DROSHA: variants seen among roughly 807,000 people sequenced by gnomAD.
DROSHA encodes the protein ribonuclease 3.
DROSHA carries 56 observed loss-of-function variants against 181.9 expected under a neutral mutation model. The ratio of observed to expected loss-of-function variants is 0.31; its 90% CI spans 0.25 to 0.38. DROSHA has a LOEUF of 0.38. Among genes scored for constraint, DROSHA ranks in the 10% least tolerant of loss-of-function variants. The pLI, the probability that DROSHA is intolerant of heterozygous loss-of-function variation, is 1.00. For synonymous variants in DROSHA, 524 were observed against 591.2 expected (o/e 0.89, Z 1.65); for missense variants, 1,218 against 1,743.5 (o/e 0.70, Z 5.37).
At position 31,450,081 on chromosome 5, in the gene DROSHA, C is replaced by T. The variant is rs368233999; in HGVS notation, c.2683-662G>A. 2.0e-5 allele frequency among the ~76,000 whole-genome samples: 3 copies of T among 152,242 alleles called. No individual in the cohort carries two copies. The East Asian group carries it at 5.8e-4, about 29-fold the overall frequency. On this transcript the variant is annotated intron_variant, in intron 21 of 35. Coordinates refer to ENST00000344624, the MANE Select transcript of DROSHA (RefSeq NM_001382508.1). ...TGAAAGAATGTTCAACATCACTAAT[C>T]ATTAGGGAAATGCAAATTAAAACCA... is the stretch of plus-strand genomic sequence containing the variant.
chr5:31,415,931 T>G (rs1038470916), intron 30 of DROSHA, among the ~76,000 whole-genome samples: 2 of 152,144 alleles, frequency 1.3e-5, no homozygotes, highest in Non-Finnish European at 2.9e-5. Flanking sequence ...AGAACTTCCC[T>G]CTATAGCCCA....
At chr5:31,439,531 G>A (rs1230657046) in intron 23 of DROSHA, among the ~76,000 whole-genome samples, 1 of 152,100 alleles carries the variant, frequency 6.6e-6, no homozygotes, top group African/African-American at 2.4e-5. Context: ...ACATAGGTAA[G>A]CTGCATATCA....
intron 17 of DROSHA, 83 bp downstream of exon 17, chr5:31,471,980 T>A (rs6885959): frequency 0.6 from 803,677 of 1,333,632 alleles, 255,262 homozygotes; most frequent in Non-Finnish European, 0.65. Context: ...ACTTTTAAAA[T>A]GTGCTGTTAC....
chr5:31,523,773 G>A (rs972811344), intron 5 of DROSHA, among the ~76,000 whole-genome samples: 5 of 151,996 alleles, frequency 3.3e-5, no homozygotes, highest in Non-Finnish European at 5.9e-5. Flanking sequence ...TCAGGAGTTC[G>A]AGACCAGCCT....
intron 24 of DROSHA, 97 bp downstream of exon 24, chr5:31,437,142 C>T (rs1431511388): frequency 2.3e-6 from 3 of 1,280,162 alleles, no homozygotes; most frequent in African/African-American, 3.0e-5. Flanking sequence ...TGTATCAATG[C>T]CTTATTTGGC....
At chr5:31,471,357 T>C (rs1016149620) in intron 17 of DROSHA, among the ~76,000 whole-genome samples, 3 of 152,136 alleles carry the variant, frequency 2.0e-5, no homozygotes, top group Non-Finnish European at 4.4e-5. Context: ...TGCCAACATA[T>C]AACTATTTTA....
intron 14 of DROSHA, 141 bp downstream of exon 14, chr5:31,486,350 G>A (rs1427524824): frequency 3.9e-6 from 3 of 774,484 alleles, no homozygotes; most frequent in Non-Finnish European, 4.0e-6. Context: ...ACATTTCACT[G>A]ACTCTTTCAA....
At chr5:31,440,410 A>G (rs1223059208) in intron 23 of DROSHA, among the ~76,000 whole-genome samples, 1 of 152,254 alleles carries the variant, frequency 6.6e-6, no homozygotes, top group African/African-American at 2.4e-5. Flanking sequence ...AATTATTCTT[A>G]GCTACAAAAT....
intron 6 of DROSHA, among the ~76,000 whole-genome samples, chr5:31,520,679 T>C (rs559974389): frequency 7.6e-4 from 116 of 152,298 alleles, no homozygotes; most frequent in African/African-American, 2.7e-3. Context: ...ATCATATTAA[T>C]GTAAGACCAC....
At chr5:31,426,987 C>G (rs950540729) in intron 27 of DROSHA, among the ~76,000 whole-genome samples, 1 of 152,010 alleles carries the variant, frequency 6.6e-6, no homozygotes, top group Non-Finnish European at 1.5e-5. Context: ...GAGAAGAAAG[C>G]TTAGGGACAA....
chr5:31,516,423 T>C (rs1180981091), intron 6 of DROSHA, among the ~76,000 whole-genome samples: 22 of 152,140 alleles, frequency 1.4e-4, no homozygotes, highest in Admixed American at 1.4e-3. Flanking sequence ...CCATGTAAGT[T>C]TACATCCAGA....
rs199612013 is a variant in DROSHA at position 31,526,316 on chromosome 5, T to C, written c.617A>G (p.His206Arg). The change falls in exon 5 of 36, where the codon CAT becomes CGT. Residue 206 changes from histidine (H) to arginine (R), a missense_variant. His to Arg is a conservative substitution (Grantham distance 29, BLOSUM62 0). Transcript: ENST00000344624. The part of the protein sequence containing the change: ...ANNSSSPHFR[H>R]LPPYPLPKAP... Reference sequence around the variant, plus strand: ...CTTTGGGAGTGGGTATGGAGGGAGATGTCTGAAATGAGGACTACTGCTGTT... The same window carrying C: ...CTTTGGGAGTGGGTATGGAGGGAGACGTCTGAAATGAGGACTACTGCTGTT... 4 of 1,613,848 alleles carry C rather than the reference T, an allele frequency of 2.5e-6. No homozygotes were observed. Among genetic ancestry groups the C allele is most frequent in the Non-Finnish European group, 1.7e-6 (2 of 1,179,852 alleles).
chr5:31,488,480 A>G (rs2150040027), intron 13 of DROSHA, among the ~76,000 whole-genome samples: 1 of 151,096 alleles, frequency 6.6e-6, no homozygotes, highest in Non-Finnish European at 1.5e-5. Context: ...GTTGAGGCAG[A>G]GCAGGTGTTT....
intron 5 of DROSHA, among the ~76,000 whole-genome samples, chr5:31,523,670 T>G (rs1424905640): frequency 6.6e-6 from 1 of 152,150 alleles, no homozygotes; most frequent in African/African-American, 2.4e-5. Context: ...ACTATAAAAC[T>G]GTAACATTAA....
chr5:31,496,146 G>A (rs961947014), intron 11 of DROSHA, among the ~76,000 whole-genome samples: 1 of 152,190 alleles, frequency 6.6e-6, no homozygotes, highest in Non-Finnish European at 1.5e-5. Context: ...AAAAACAACT[G>A]TAAAGTAGGG....
intron 7 of DROSHA, 55 bp downstream of exon 7, chr5:31,515,399 G>T (rs921935138): frequency 9.5e-7 from 1 of 1,057,628 alleles, no homozygotes; most frequent in East Asian, 2.6e-5. Flanking sequence ...AGAATCACCT[G>T]AAGTTTACTT....
At chr5:31,447,594 T>G (rs111959597) in intron 23 of DROSHA, among the ~76,000 whole-genome samples, 6,523 of 152,176 alleles carry the variant, frequency 0.043, 461 homozygotes, top group African/African-American at 0.15. Context: ...TGAAAAAAAT[T>G]TTTGCAAATC....
At chr5:31,501,736 G>A (rs1753596286) in intron 11 of DROSHA, among the ~76,000 whole-genome samples, 1 of 152,102 alleles carries the variant, frequency 6.6e-6, no homozygotes, top group Admixed American at 6.5e-5. Context: ...TGGTGAATGG[G>A]TTATTTTCTA....
intron 16 of DROSHA, among the ~76,000 whole-genome samples, chr5:31,480,693 A>C (rs1750929901): frequency 6.6e-6 from 1 of 152,206 alleles, no homozygotes; most frequent in South Asian, 2.1e-4. Context: ...TACTTAGATA[A>C]GGCATTATTA....
Sources: allele counts gnomAD v4.1 joint callset (sites outside exome capture counted in the v4.1 genomes callset), GRCh38; gene constraint gnomAD v4.1.1; transcripts MANE v1.5; gene names NCBI Gene and HGNC (gene_info 2026-07-23, HGNC 2026-07-21).